Variants in ADGRF1 observed in about 807,000 individuals in gnomAD.
ADGRF1 encodes G protein-coupled receptor 110.
In ADGRF1, 85 loss-of-function variants were observed where a neutral mutation model predicts 87.2. The ratio of observed to expected loss-of-function variants is 0.97; its 90% CI spans 0.82 to 1.17. ADGRF1 has a LOEUF of 1.17. Ranked by LOEUF, ADGRF1 falls within the 50% of genes most tolerant of loss-of-function variation. The pLI is 0.00. For synonymous variants in ADGRF1, 430 were observed against 408.8 expected, an observed-to-expected ratio of 1.05 and a Z score of -0.63; for missense variants, 1,169 against 1,077.2, an observed-to-expected ratio of 1.09 and a Z score of -1.19.
rs1780022517 is a variant in ADGRF1, at chr6:47,020,730, C to A, written c.611+1G>T. The A allele has an allele frequency of 1.2e-6, 2 of 1,613,562 alleles. No individual in the cohort carries two copies. The highest frequency in any genetic ancestry group is 1.7e-6 in the Non-Finnish European group (2 of 1,179,494). ...CCTTCTAAGACCATTGTGTTACTTA[C>A]CGAAATTGGGTGACCTGAACCGACT... is the stretch of plus-strand genomic sequence containing the variant. On this transcript the variant is annotated splice_donor_variant, in intron 7 of 14. Coordinates refer to ENST00000371253, the MANE Select transcript of ADGRF1 (RefSeq NM_153840.4). LOFTEE classifies it high-confidence loss of function.
chr6:47,004,602 C>A (rs1582136221), intron 13 of ADGRF1, among the ~76,000 whole-genome samples: 1 of 152,120 alleles, frequency 6.6e-6, no homozygotes, highest in East Asian at 1.9e-4. Flanking sequence ...TGTCCCGTCT[C>A]ATTATATTCA....
At chr6:47,015,177 T>G (rs1001563402) in intron 8 of ADGRF1, among the ~76,000 whole-genome samples, 2 of 152,206 alleles carry the variant, frequency 1.3e-5, no homozygotes, top group Non-Finnish European at 2.9e-5. Context: ...ATTTTTACTC[T>G]TTAAAGGAAC....
In ADGRF1 at chr6:47,009,008, T is replaced by A. The variant is rs1319810489; in HGVS notation, c.2427A>T (p.Gly809=). The A allele has an allele frequency of 6.2e-7, 1 of 1,613,952 alleles. No homozygotes were observed. Among genetic ancestry groups the A allele is most frequent in the Admixed American group, 1.7e-5 (1 of 60,004 alleles). ...CCAGATTCTGGCTGTCCACTATTGTTCCTATTCCAAAGCCCCAGGTGAGCC... is the reference window on the plus strand; with the variant it reads ...CCAGATTCTGGCTGTCCACTATTGTACCTATTCCAAAGCCCCAGGTGAGCC... The part of the protein sequence containing the change: ...LLGLTWGFGI[G]TIVDSQNLAW... The change falls in exon 11 of 15, where the codon GGA becomes GGT. Residue 809 remains glycine, a synonymous_variant. Transcript: ENST00000371253.
chr6:47,024,859 C>T (rs947984380), intron 4 of ADGRF1, among the ~76,000 whole-genome samples: 1 of 152,092 alleles, frequency 6.6e-6, no homozygotes, highest in Non-Finnish European at 1.5e-5. Context: ...GATTAGCATG[C>T]AAAAGAAGGA....
At chr6:47,022,797 CTTTTTTCT>C (rs1474187290) in intron 5 of ADGRF1, among the ~76,000 whole-genome samples, 10 of 135,050 alleles carry the variant, frequency 7.4e-5, no homozygotes, top group African/African-American at 3.0e-4. Context: ...TCTTTCTTTT[CTTTTTTCT>C]TTTTTTTTTT....
At chr6:47,021,850 C>A (rs1273261428) in intron 6 of ADGRF1, 108 bp downstream of exon 6, 6 of 647,296 alleles carry the variant, frequency 9.3e-6, no homozygotes, top group Non-Finnish European at 1.6e-5. Context: ...TATTTGCTCA[C>A]TGAAAACGAA....
At chr6:47,019,562 T>C in intron 7 of ADGRF1, 1 of 262,584 alleles carries the variant, frequency 3.8e-6, no homozygotes, top group Non-Finnish European at 5.9e-6. Flanking sequence ...CACATGCCTG[T>C]AGTCCCAGCT....
At chr6:47,027,406 C>T (rs115280806) in intron 3 of ADGRF1, among the ~76,000 whole-genome samples, 187 of 152,324 alleles carry the variant, frequency 1.2e-3, no homozygotes, top group African/African-American at 3.9e-3. Context: ...CAGAACACAA[C>T]TCATTTCTGG....
intron 6 of ADGRF1, 77 bp from the exon 7 acceptor site, chr6:47,020,866 C>T: frequency 9.1e-7 from 1 of 1,104,494 alleles, no homozygotes; most frequent in Admixed American, 1.8e-5. Context: ...AAAATTGATA[C>T]AGACAATAAA....
At chr6:47,031,259 C>G (rs578185361) in intron 1 of ADGRF1, among the ~76,000 whole-genome samples, 3 of 150,970 alleles carry the variant, frequency 2.0e-5, no homozygotes, top group South Asian at 2.1e-4. Context: ...CACTCTGTGT[C>G]TCTCTCTCTC....
At chr6:47,010,860 T>C (rs1001079754) in intron 10 of ADGRF1, among the ~76,000 whole-genome samples, 3 of 152,244 alleles carry the variant, frequency 2.0e-5, no homozygotes, top group Admixed American at 2.0e-4. Flanking sequence ...AACCCAAGCA[T>C]TGAATTGTCA....
chr6:47,013,054 G>T, intron 9 of ADGRF1: 1 of 984,964 alleles, frequency 1.0e-6, no homozygotes, highest in Non-Finnish European at 1.2e-6. Context: ...TTACAGGCAT[G>T]AGCCACTGCA....
rs1480081352 is a variant in ADGRF1, at chr6:47,025,854, C to G, written c.277G>C (p.Asp93His). 1 of 1,578,722 alleles carries G rather than the reference C, an allele frequency of 6.3e-7. No homozygotes were observed. Among genetic ancestry groups the G allele is most frequent in the Non-Finnish European group, 8.6e-7 (1 of 1,157,586 alleles). Reference protein sequence around the residue: ...IRIIRAKATTDCNSLNGVLQC... With the variant: ...IRIIRAKATTHCNSLNGVLQC... The stretch of plus-strand genomic sequence containing the variant: ...ATCCAGTCACCGAGAGCCACCTTAC[C>G]TGTGGTAGCCTTTGCTCTGATAATT... The change falls in exon 4 of 15, where the codon GAC (aspartate) becomes CAC (histidine). Residue 93 changes from aspartate to histidine, a missense_variant and splice_region_variant. Asp to His is a moderately conservative substitution (Grantham distance 81). Coordinates refer to ENST00000371253, the MANE Select transcript of ADGRF1 (RefSeq NM_153840.4).
chr6:47,025,136 C>A lies in ADGRF1; in HGVS notation c.277+718G>T, dbSNP rs541212491. On this transcript the variant is annotated intron_variant, in intron 4 of 14. Transcript: ENST00000371253. ...CTTCTATTACACCTGAAATTCCCACCGAAGTCGTCTTTTTTTTTCTTTCAG... is the reference window on the plus strand; with the variant it reads ...CTTCTATTACACCTGAAATTCCCACAGAAGTCGTCTTTTTTTTTCTTTCAG... Among the ~76,000 whole-genome samples, 15 of 152,230 alleles carry A rather than the reference C, an allele frequency of 9.9e-5. No individual in the cohort carries two copies. The South Asian group carries it at 3.1e-3, about 32-fold the overall frequency.
intron 1 of ADGRF1, among the ~76,000 whole-genome samples, chr6:47,039,504 G>T (rs1687145): frequency 0.12 from 17,764 of 152,266 alleles, 1,613 homozygotes; most frequent in East Asian, 0.39. Flanking sequence ...CTGGGGAGGG[G>T]ATGTGATAAG....
Position 47,016,640 on chromosome 6 carries a change from C to G in ADGRF1, c.740G>C (p.Gly247Ala), listed in dbSNP as rs766350812. Residue 247 changes from glycine to alanine, a missense_variant, in exon 8 of 15, where the codon GGC becomes GCC. Coordinates refer to ENST00000371253, the MANE Select transcript of ADGRF1 (RefSeq NM_153840.4). ...ALHKLFPLED[G>A]SFRVFGKAQC... ...ACCTTTTCCGAACACTCTGAAAGAG[C>G]CGTCTTCTAATGGAAACAGCTTGTG... The G allele has an allele frequency of 8.1e-6, 13 of 1,608,970 alleles. No homozygotes were observed. Among genetic ancestry groups the G allele is most frequent in the Admixed American group, 1.7e-5 (1 of 59,788 alleles).
chr6:47,033,112 A>G (rs1380409230), intron 1 of ADGRF1, among the ~76,000 whole-genome samples: 1 of 152,200 alleles, frequency 6.6e-6, no homozygotes, highest in Non-Finnish European at 1.5e-5. Context: ...TGTTGTTGTC[A>G]TTAGAGCATG....
intron 6 of ADGRF1, among the ~76,000 whole-genome samples, chr6:47,021,581 G>A (rs190192995): frequency 6.6e-6 from 1 of 151,966 alleles, no homozygotes; most frequent in Non-Finnish European, 1.5e-5. Context: ...GGCTGGTCTC[G>A]AACTCCTGAC....
intron 7 of ADGRF1, chr6:47,019,518 C>T (rs1165411568): frequency 4.3e-5 from 15 of 348,930 alleles, no homozygotes; most frequent in Non-Finnish European, 4.4e-5. Context: ...CCCATCTCTA[C>T]GAAAAATACA....
Sources: gnomAD v4.1 joint callset for allele counts (sites outside exome capture counted in the v4.1 genomes callset) on GRCh38, gnomAD v4.1.1 for gene constraint, MANE v1.5 for transcripts, NCBI Gene and HGNC (gene_info 2026-07-23, HGNC 2026-07-21) for gene names.